Variants in PCSK5 observed in about 807,000 individuals in gnomAD.
The protein encoded by PCSK5 is prohormone convertase 5.
A neutral mutation model predicts 233.2 loss-of-function variants in PCSK5; 129 were observed. The observed-to-expected ratio is 0.55, with a 90% CI of 0.48 to 0.64. The LOEUF (loss-of-function observed/expected upper bound fraction) is 0.64. PCSK5 is among the 30% of genes least tolerant of loss of function. The pLI is 0.00. For synonymous variants in PCSK5, 825 were observed against 879.2 expected, an observed-to-expected ratio of 0.94 and a Z score of 1.09; for missense variants, 2,076 against 2,430.1, an observed-to-expected ratio of 0.85 and a Z score of 3.06.
At chr9:76,208,013 C>T (rs961822106) in intron 20 of PCSK5, among the ~76,000 whole-genome samples, 5 of 152,058 alleles carry the variant, frequency 3.3e-5, no homozygotes, top group Admixed American at 1.3e-4. Flanking sequence ...GGCAAGAAAG[C>T]GTACATGTGT....
chr9:76,307,280 AAAG>A (rs1189600705), intron 28 of PCSK5, among the ~76,000 whole-genome samples: 1 of 152,192 alleles, frequency 6.6e-6, no homozygotes, highest in Non-Finnish European at 1.5e-5. Context: ...GGATGAGAAG[AAAG>A]AAGATGAAAG....
intron 7 of PCSK5, among the ~76,000 whole-genome samples, chr9:76,094,917 TC>T (rs1831446511): frequency 1.3e-5 from 2 of 152,262 alleles, no homozygotes; most frequent in South Asian, 4.1e-4. Flanking sequence ...ACCAAGAAAT[TC>T]TTTTAGTTAT....
At chr9:75,967,914 C>T (rs1264177889) in intron 2 of PCSK5, among the ~76,000 whole-genome samples, 1 of 152,194 alleles carries the variant, frequency 6.6e-6, no homozygotes, top group East Asian at 1.9e-4. Context: ...AGGCATGCGC[C>T]ACCACGCCTA....
rs1185335985 is a variant in PCSK5 at position 76,361,745 on chromosome 9, C to A, written c.*2823C>A. On this transcript the variant is annotated 3_prime_UTR_variant, in exon 38 of 38. Coordinates refer to ENST00000674117, the MANE Select transcript of PCSK5 (RefSeq NM_001372043.1). ...TTATCTCTTCAAAATGTATCTGAAG[C>A]CCTGATAGTTCTACTTTCAATTCTT... The A allele has an allele frequency of 2.0e-5, 3 of 152,146 alleles. No individual in the cohort carries two copies. The highest frequency in any genetic ancestry group is 7.2e-5 in the African/African-American group (3 of 41,434). 9.4% of individuals were successfully genotyped at this position (152,146 alleles called of 1,614,324 possible).
chr9:76,038,717 A>T (rs1339224698), intron 5 of PCSK5, among the ~76,000 whole-genome samples: 2 of 152,196 alleles, frequency 1.3e-5, no homozygotes, highest in Admixed American at 1.3e-4. Flanking sequence ...ATTCGTAAAG[A>T]GGGAAGGGAA....
chr9:76,218,083 C>T (rs1809732647), intron 20 of PCSK5, among the ~76,000 whole-genome samples: 2 of 152,164 alleles, frequency 1.3e-5, no homozygotes, highest in Non-Finnish European at 2.9e-5. Flanking sequence ...ATAGGGGGAC[C>T]AAGGATCCCA....
intron 3 of PCSK5, among the ~76,000 whole-genome samples, chr9:75,999,070 T>A (rs1216879041): frequency 1.3e-5 from 2 of 152,286 alleles, no homozygotes; most frequent in African/African-American, 2.4e-5. Flanking sequence ...TTATTTATTT[T>A]TTTATTATAC....
At chr9:76,292,461 G>A (rs1023940624) in intron 25 of PCSK5, among the ~76,000 whole-genome samples, 186 bp downstream of exon 25, 2 of 152,172 alleles carry the variant, frequency 1.3e-5, no homozygotes, top group African/African-American at 4.8e-5. Context: ...GCCTCGAAAG[G>A]AGGCCATCTC....
At chr9:76,351,950 T>A (rs1830178706) in intron 36 of PCSK5, among the ~76,000 whole-genome samples, 2 of 152,086 alleles carry the variant, frequency 1.3e-5, no homozygotes, top group African/African-American at 4.8e-5. Flanking sequence ...TTGTCACTTC[T>A]GTGGTCACCA....
At chr9:76,295,131 C>G (rs910773060) in intron 25 of PCSK5, 144 bp from the exon 26 acceptor site, 1 of 673,496 alleles carries the variant, frequency 1.5e-6, no homozygotes, top group African/African-American at 1.8e-5. Flanking sequence ...CCAGCCTGGG[C>G]GACAAGAGCA....
At chr9:76,226,369 G>C (rs1017579955) in intron 20 of PCSK5, among the ~76,000 whole-genome samples, 3 of 152,156 alleles carry the variant, frequency 2.0e-5, no homozygotes, top group Non-Finnish European at 4.4e-5. Context: ...AAGCGATGGG[G>C]GAAAGAGGGA....
chr9:76,110,571 C>T (rs969954259), intron 9 of PCSK5, among the ~76,000 whole-genome samples: 4 of 152,182 alleles, frequency 2.6e-5, no homozygotes, highest in Admixed American at 6.5e-5. Flanking sequence ...CAAATACATC[C>T]GGTAGTCCTA....
chr9:76,130,351 GTC>G (rs780483466), intron 9 of PCSK5, among the ~76,000 whole-genome samples: 8 of 152,252 alleles, frequency 5.3e-5, no homozygotes, highest in East Asian at 3.9e-4. Context: ...ATAGATGTGT[GTC>G]TCTGCTTCAC....
At position 75,932,478 on chromosome 9, in the gene PCSK5, C is replaced by G; in HGVS notation, c.292C>G (p.Pro98Ala). The change falls in exon 2 of 38, where the codon CCA (proline) becomes GCA (alanine). Residue 98 changes from proline to alanine, a missense_variant. Around this residue, in one of 6 missense-constraint regions of PCSK5, gnomAD observed 190 missense variants for 216.3 expected, o/e 0.88. Coordinates refer to ENST00000674117, the MANE Select transcript of PCSK5 (RefSeq NM_001372043.1). ...RGTHSFISMEPKVEWIQQQVV... is the reference protein window; with the variant it reads ...RGTHSFISMEAKVEWIQQQVV... The stretch of plus-strand genomic sequence containing the variant: ...GACCCACAGTTTCATTTCAATGGAA[C>G]CAAAGGTAAGAAGAACCAGTTGCGT... 6.3e-7 allele frequency: 1 copy of G among 1,596,908 alleles called. No homozygotes were observed. The highest frequency in any genetic ancestry group is 8.6e-7 in the Non-Finnish European group (1 of 1,164,344).
At chr9:76,062,216 C>A (rs1188113836) in intron 5 of PCSK5, among the ~76,000 whole-genome samples, 1 of 151,934 alleles carries the variant, frequency 6.6e-6, no homozygotes, top group African/African-American at 2.4e-5. Flanking sequence ...CCACTGTACT[C>A]CAGCCTGGGT....
chr9:76,286,587 G>A (rs916018863), intron 24 of PCSK5: 2 of 155,734 alleles, frequency 1.3e-5, no homozygotes, highest in Non-Finnish European at 2.9e-5. Context: ...AAAGGGGAAG[G>A]TGGTCCTATT....
intron 35 of PCSK5, 127 bp from the exon 36 acceptor site, chr9:76,350,701 A>T: frequency 3.1e-6 from 2 of 644,728 alleles, no homozygotes; most frequent in African/African-American, 3.8e-5. Flanking sequence ...TCTTTTTCGT[A>T]TCCTCAATCA....
At chr9:76,148,338 G>A (rs1467112799) in intron 10 of PCSK5, among the ~76,000 whole-genome samples, 9 of 91,614 alleles carry the variant, frequency 9.8e-5, no homozygotes, top group East Asian at 1.4e-3. Flanking sequence ...AGAGAGGGAG[G>A]GAGTTTCTCT....
intron 35 of PCSK5, among the ~76,000 whole-genome samples, chr9:76,341,834 CA>C (rs1239387720): frequency 6.6e-6 from 1 of 152,174 alleles, no homozygotes; most frequent in East Asian, 1.9e-4. Context: ...ATCAGCAATT[CA>C]ATCAGCAGCT....
Sources: allele counts gnomAD v4.1 joint callset (sites outside exome capture counted in the v4.1 genomes callset), GRCh38; gene constraint gnomAD v4.1.1; regional missense constraint gnomAD v4.1.1; transcripts MANE v1.5; gene names NCBI Gene and HGNC (gene_info 2026-07-23, HGNC 2026-07-21).